The following NHS variants were observed in gnomAD, a reference collection of about 807,000 sequenced individuals.
NHS encodes NHS actin remodeling regulator, also known as actin remodeling regulator NHS.
A neutral mutation model predicts 72.5 loss-of-function variants in NHS; 5 were observed. The ratio of observed to expected loss-of-function variants is 0.07; its 90% CI spans 0.04 to 0.14. NHS has a LOEUF of 0.14. Among genes scored for constraint, NHS ranks in the 10% least tolerant of loss-of-function variants. The pLI is 1.00. For missense variants in NHS, 1,072 were observed against 1,355.7 expected (o/e 0.79, Z 3.29); for synonymous variants, 464 against 547.7 (o/e 0.85, Z 2.13).
chrX:17,549,516 A>T (rs2065318201), intron 1 of NHS, among the ~76,000 whole-genome samples: 1 of 111,611 alleles, frequency 9.0e-6, no homozygotes. Context: ...TTTTCAGCTG[A>T]CAAGAGTGTC....
At chrX:17,638,124 G>T (rs1167514465) in intron 1 of NHS, among the ~76,000 whole-genome samples, 1 of 111,824 alleles carries the variant, frequency 8.9e-6, no homozygotes, top group Non-Finnish European at 1.9e-5. Context: ...CCCATAGTCA[G>T]TGGTCACAAA....
intron 1 of NHS, among the ~76,000 whole-genome samples, chrX:17,466,532 G>A (rs1196403433): frequency 8.9e-6 from 1 of 112,099 alleles, no homozygotes; most frequent in Non-Finnish European, 1.9e-5. Flanking sequence ...GTAGTGGAAA[G>A]AAGAGTCTGA....
At chrX:17,479,792 G>A (rs1423118913) in intron 1 of NHS, among the ~76,000 whole-genome samples, 1 of 111,765 alleles carries the variant, frequency 8.9e-6, no homozygotes, top group African/African-American at 3.3e-5. Flanking sequence ...CTGGATGTTA[G>A]CCCTTTGTCA....
chrX:17,491,839 T>C (rs754046675), intron 1 of NHS, among the ~76,000 whole-genome samples: 1 of 107,425 alleles, frequency 9.3e-6, no homozygotes, highest in East Asian at 3.0e-4. Flanking sequence ...GGGATTCGAC[T>C]TCTTCCTGGT....
At chrX:17,546,997 T>C (rs1376512540) in intron 1 of NHS, among the ~76,000 whole-genome samples, 1 of 112,206 alleles carries the variant, frequency 8.9e-6, no homozygotes, top group Non-Finnish European at 1.9e-5. Context: ...TGCTGGCCTC[T>C]TGGAGGCCTC....
At chrX:17,403,169 G>A (rs1006076198) in intron 1 of NHS, among the ~76,000 whole-genome samples, 2 of 111,754 alleles carry the variant, frequency 1.8e-5, no homozygotes, top group African/African-American at 6.5e-5. Context: ...AGAGAATGGA[G>A]GATTGAACCT....
intron 1 of NHS, 119 bp downstream of exon 1, chrX:17,376,441 C>A: frequency 1.6e-6 from 1 of 632,559 alleles, no homozygotes; most frequent in Non-Finnish European, 2.5e-6. Flanking sequence ...TTGCACCTTA[C>A]TACTCTCGCC....
chrX:17,524,187 T>C (rs780075979), intron 1 of NHS, among the ~76,000 whole-genome samples: 1 of 112,042 alleles, frequency 8.9e-6, no homozygotes, highest in Non-Finnish European at 1.9e-5. Context: ...CTAGATTCAC[T>C]AATTGTTCAT....
chrX:17,441,590 T>C (rs1014247630), intron 1 of NHS, among the ~76,000 whole-genome samples: 1 of 111,981 alleles, frequency 8.9e-6, no homozygotes, highest in Admixed American at 9.5e-5. Flanking sequence ...TTTCCTGCCC[T>C]GTACTGTATC....
At chrX:17,576,138 A>G (rs1233580222) in intron 1 of NHS, among the ~76,000 whole-genome samples, 2 of 111,667 alleles carry the variant, frequency 1.8e-5, no homozygotes, top group East Asian at 5.6e-4. Context: ...TAGCACTTAT[A>G]GAATACCTAA....
intron 1 of NHS, among the ~76,000 whole-genome samples, chrX:17,637,559 AG>A (rs2065857358): frequency 8.9e-6 from 1 of 112,192 alleles, no homozygotes; most frequent in East Asian, 2.8e-4. Context: ...CCTTAATCAA[AG>A]ATGCCTTCAA....
rs193111860 is a variant in NHS at position 17,632,191 on chromosome X, T to C, written c.566-55551T>C. On this transcript the variant is annotated intron_variant, in intron 1 of 8. Coordinates refer to ENST00000676302, the MANE Select transcript of NHS (RefSeq NM_001291867.2). Reference sequence around the variant, plus strand: ...GGTTCACTAAGAAATTGACAACTTATGCCACAGTAGGTAATATTCTTATCC... The same window carrying C: ...GGTTCACTAAGAAATTGACAACTTACGCCACAGTAGGTAATATTCTTATCC... Among the ~76,000 whole-genome samples the C allele has an allele frequency of 1.6e-4, 18 of 111,590 alleles. No individual in the cohort carries two copies. The East Asian group carries it at 4.5e-3, about 28-fold the overall frequency.
At chrX:17,408,712 G>A (rs930658234) in intron 1 of NHS, among the ~76,000 whole-genome samples, 20 of 111,382 alleles carry the variant, frequency 1.8e-4, no homozygotes, top group Non-Finnish European at 3.8e-4. Flanking sequence ...CATGTCATCG[G>A]ATGCCCATTT....
At chrX:17,401,424 A>G (rs1366445210) in intron 1 of NHS, among the ~76,000 whole-genome samples, 1 of 112,564 alleles carries the variant, frequency 8.9e-6, no homozygotes, top group Non-Finnish European at 1.9e-5. Flanking sequence ...AGGATGCCAT[A>G]AACAAAGTGA....
At chrX:17,638,499 A>G (rs1294677372) in intron 1 of NHS, among the ~76,000 whole-genome samples, 1 of 111,688 alleles carries the variant, frequency 9.0e-6, no homozygotes, top group African/African-American at 3.3e-5. Flanking sequence ...ATGTGGGCTT[A>G]TTGTTATTGG....
At chrX:17,537,228 C>G (rs772609499) in intron 1 of NHS, among the ~76,000 whole-genome samples, 8 of 111,979 alleles carry the variant, frequency 7.1e-5, no homozygotes, top group African/African-American at 2.6e-4. Flanking sequence ...TTGGAATCAG[C>G]AAAACTGACC....
At chrX:17,716,206 G>A (rs1432052197) in intron 3 of NHS, among the ~76,000 whole-genome samples, 1 of 111,578 alleles carries the variant, frequency 9.0e-6, no homozygotes, top group East Asian at 2.8e-4. Context: ...TTAATGGGGT[G>A]GGTGGGTTTC....
chrX:17,664,555 T>C (rs1179700910), intron 1 of NHS, among the ~76,000 whole-genome samples: 2 of 112,561 alleles, frequency 1.8e-5, no homozygotes, highest in East Asian at 2.8e-4. Context: ...TGCTGCTTCA[T>C]TGATCTATAA....
chrX:17,680,743 GA>G (rs773833167), intron 1 of NHS, among the ~76,000 whole-genome samples: 29 of 108,139 alleles, frequency 2.7e-4, no homozygotes, highest in South Asian at 2.0e-3. Context: ...CTTGCAGCTT[GA>G]AAAAAAAAAT....
Sources: gnomAD v4.1 joint callset for allele counts (sites outside exome capture counted in the v4.1 genomes callset) on GRCh38, gnomAD v4.1.1 for gene constraint, MANE v1.5 for transcripts, NCBI Gene and HGNC (gene_info 2026-07-23, HGNC 2026-07-21) for gene names.